The following TMEM117 variants were observed in gnomAD, a reference collection of about 807,000 sequenced individuals.
TMEM117 encodes the protein transmembrane protein 117.
A neutral mutation model predicts 52.4 loss-of-function variants in TMEM117; 27 were observed. The observed-to-expected ratio is 0.51, with a 90% CI of 0.38 to 0.71. TMEM117 has a LOEUF of 0.71. Among genes scored for constraint, TMEM117 ranks in the 30% least tolerant of loss-of-function variants. The pLI is 0.00. For missense variants in TMEM117, 556 were observed against 630.5 expected (o/e 0.88, Z 1.26); for synonymous variants, 215 against 206.3 (o/e 1.04, Z -0.36).
intron 2 of TMEM117, among the ~76,000 whole-genome samples, chr12:43,900,338 A>AT (rs1371059272): frequency 6.6e-6 from 1 of 152,132 alleles, no homozygotes; most frequent in Non-Finnish European, 1.5e-5. Context: ...TTTTTGGAAA[A>AT]TTACCCATTA....
At chr12:44,069,050 A>C (rs879585894) in intron 3 of TMEM117, among the ~76,000 whole-genome samples, 1 of 152,208 alleles carries the variant, frequency 6.6e-6, no homozygotes, top group Non-Finnish European at 1.5e-5. Context: ...ATCACCATTA[A>C]AATCTTTATT....
At chr12:44,138,006 C>G (rs1948516891) in intron 3 of TMEM117, among the ~76,000 whole-genome samples, 2 of 152,072 alleles carry the variant, frequency 1.3e-5, no homozygotes, top group Non-Finnish European at 2.9e-5. Flanking sequence ...ATCATGTGTT[C>G]CCCAATAAAC....
chr12:44,255,646 G>A (rs1402139706), intron 5 of TMEM117, among the ~76,000 whole-genome samples: 1 of 151,960 alleles, frequency 6.6e-6, no homozygotes, highest in East Asian at 1.9e-4. Flanking sequence ...TATAAACTTG[G>A]ACATGGTAGG....
intron 6 of TMEM117, among the ~76,000 whole-genome samples, chr12:44,355,671 G>T (rs1951637842): frequency 6.6e-6 from 1 of 152,088 alleles, no homozygotes; most frequent in Admixed American, 6.6e-5. Flanking sequence ...AGGCTTGAGT[G>T]TGTTGATGAT....
At chr12:44,087,434 GTGTA>G (rs60335561) in intron 3 of TMEM117, among the ~76,000 whole-genome samples, 7,778 of 150,008 alleles carry the variant, frequency 0.052, 478 homozygotes, top group African/African-American at 0.15. Context: ...CTTTCTATGT[GTGTA>G]TGTATGTATG....
intron 5 of TMEM117, among the ~76,000 whole-genome samples, chr12:44,295,555 C>T (rs1405579146): frequency 6.6e-6 from 1 of 151,998 alleles, no homozygotes; most frequent in Non-Finnish European, 1.5e-5. Context: ...CTCTAACTGG[C>T]TAATTTCATG....
chr12:44,029,898 C>G (rs1005899192), intron 3 of TMEM117, among the ~76,000 whole-genome samples: 9 of 152,156 alleles, frequency 5.9e-5, no homozygotes, highest in Non-Finnish European at 1.3e-4. Context: ...CTTGTATGTC[C>G]TTGGGAGCTT....
intron 5 of TMEM117, among the ~76,000 whole-genome samples, chr12:44,230,537 AC>A (rs1341870167): frequency 6.6e-6 from 1 of 152,056 alleles, no homozygotes; most frequent in Non-Finnish European, 1.5e-5. Context: ...CTCCTGAAGA[AC>A]ATCAACAGCC....
At chr12:43,879,258 T>G (rs762506290) in intron 2 of TMEM117, among the ~76,000 whole-genome samples, 1 of 152,230 alleles carries the variant, frequency 6.6e-6, no homozygotes, top group Non-Finnish European at 1.5e-5. Context: ...TTATGTTTGC[T>G]AAAACTTTAT....
chr12:44,103,921 C>T (rs951342076), intron 3 of TMEM117, among the ~76,000 whole-genome samples: 1 of 151,838 alleles, frequency 6.6e-6, no homozygotes, highest in South Asian at 2.1e-4. Flanking sequence ...CACTAACTTT[C>T]ATGTCATAGT....
intron 5 of TMEM117, among the ~76,000 whole-genome samples, chr12:44,274,849 C>T (rs1950493366): frequency 6.6e-6 from 1 of 152,090 alleles, no homozygotes; most frequent in Admixed American, 6.6e-5. Context: ...TATGATACTA[C>T]TAATAAGAAA....
At chr12:43,913,251 A>G (rs994530830) in intron 2 of TMEM117, among the ~76,000 whole-genome samples, 1 of 152,170 alleles carries the variant, frequency 6.6e-6, no homozygotes, top group Non-Finnish European at 1.5e-5. Flanking sequence ...ATACCTATCA[A>G]GCTCTAAATC....
intron 6 of TMEM117, among the ~76,000 whole-genome samples, chr12:44,376,022 A>C (rs1840785020): frequency 6.6e-6 from 1 of 152,204 alleles, no homozygotes. Flanking sequence ...CAGGTCTTCC[A>C]TTATTTGGCT....
At chr12:43,901,312 TG>T (rs1438234693) in intron 2 of TMEM117, among the ~76,000 whole-genome samples, 2 of 151,670 alleles carry the variant, frequency 1.3e-5, no homozygotes, top group East Asian at 1.9e-4. Flanking sequence ...TGTTTGTTTT[TG>T]GTTTTTTTTG....
At chr12:44,311,823 G>GTATATATGTGTATATATGTA (rs1950987606) in intron 6 of TMEM117, among the ~76,000 whole-genome samples, 11 of 85,378 alleles carry the variant, frequency 1.3e-4, no homozygotes, top group African/African-American at 3.3e-4. Flanking sequence ...GTATATATAT[G>GTATATATGTGTATATATGTA]TATATATGTA....
At chr12:43,839,456 G>A (rs1406400391) in intron 1 of TMEM117, among the ~76,000 whole-genome samples, 1 of 152,170 alleles carries the variant, frequency 6.6e-6, no homozygotes, top group African/African-American at 2.4e-5. Context: ...CTCTAAATGT[G>A]CACCCAACAA....
intron 3 of TMEM117, among the ~76,000 whole-genome samples, chr12:44,069,454 T>TA (rs1947268436): frequency 6.6e-6 from 1 of 151,956 alleles, no homozygotes; most frequent in African/African-American, 2.4e-5. Flanking sequence ...GAAGAATCAG[T>TA]AAAAATGAAA....
At chr12:44,086,772 T>C (rs1286408811) in intron 3 of TMEM117, among the ~76,000 whole-genome samples, 1 of 152,068 alleles carries the variant, frequency 6.6e-6, no homozygotes, top group African/African-American at 2.4e-5. Context: ...GTTTTTACTT[T>C]TAGCCATGAA....
intron 3 of TMEM117, among the ~76,000 whole-genome samples, chr12:44,099,801 G>A (rs991155304): frequency 2.6e-5 from 4 of 151,980 alleles, no homozygotes; most frequent in African/African-American, 9.7e-5. Context: ...TGTATATGGA[G>A]GAGCACTTTG....
Sources: allele counts gnomAD v4.1 joint callset (sites outside exome capture counted in the v4.1 genomes callset), GRCh38; gene constraint gnomAD v4.1.1; transcripts MANE v1.5; gene names NCBI Gene and HGNC (gene_info 2026-07-23, HGNC 2026-07-21).